DOCK3: variants seen among roughly 807,000 people sequenced by gnomAD.
DOCK3 encodes dedicator of cytokinesis protein 3.
Under a neutral mutation model 265.6 loss-of-function variants are expected in DOCK3, and 60 were observed. The observed-to-expected ratio is 0.23, with a 90% CI of 0.18 to 0.28. The LOEUF (loss-of-function observed/expected upper bound fraction) is 0.28. DOCK3 is among the 10% of genes least tolerant of loss of function. The pLI, the probability that DOCK3 is intolerant of heterozygous loss-of-function variation, is 1.00. For missense variants in DOCK3, 1,981 were observed against 2,594.3 expected (o/e 0.76, Z 5.14); for synonymous variants, 881 against 938.0 (o/e 0.94, Z 1.11).
chr3:50,773,039 T>C (rs978238951), intron 1 of DOCK3, among the ~76,000 whole-genome samples: 4 of 151,986 alleles, frequency 2.6e-5, no homozygotes, highest in African/African-American at 7.2e-5. Flanking sequence ...CTTCAAAATA[T>C]ACAATAAAGC....
rs377050608 is a variant in DOCK3 at position 51,108,598 on chromosome 3, G to A, written c.746+18214G>A. Among the ~76,000 whole-genome samples, 17 of 152,266 alleles carry A rather than the reference G, an allele frequency of 1.1e-4. No individual in the cohort carries two copies. In the East Asian group the frequency reaches 2.9e-3, roughly 26 times the overall value. On this transcript the variant is annotated intron_variant, in intron 9 of 52. Transcript: ENST00000266037. ...ATTAAAAGGCACAGAGTAACAAGGTGGATAAAGAAGCAAGACCCAGTGGTA... is the reference window on the plus strand; with the variant it reads ...ATTAAAAGGCACAGAGTAACAAGGTAGATAAAGAAGCAAGACCCAGTGGTA...
intron 6 of DOCK3, among the ~76,000 whole-genome samples, chr3:51,074,921 G>A (rs2082004061): frequency 6.6e-6 from 1 of 152,188 alleles, no homozygotes; most frequent in Non-Finnish European, 1.5e-5. Flanking sequence ...TAACTTTTAA[G>A]AGGTGAATTT....
chr3:51,315,142 C>G lies in DOCK3; in HGVS notation c.3402+14C>G. 1 of 1,593,452 alleles carries G rather than the reference C, an allele frequency of 6.3e-7. No homozygotes were observed. The highest frequency in any genetic ancestry group is 8.6e-7 in the Non-Finnish European group (1 of 1,167,066). ...AACTTCAAACAGGTAAGACACCTGG[C>G]AGTGTTCGGGGTATTCTCTGGAATG... On this transcript the variant is annotated intron_variant, in intron 32 of 52. Coordinates refer to ENST00000266037, the MANE Select transcript of DOCK3 (RefSeq NM_004947.5).
chr3:50,977,344 G>T (rs1268552665), intron 5 of DOCK3, among the ~76,000 whole-genome samples: 2 of 151,966 alleles, frequency 1.3e-5, no homozygotes, highest in Non-Finnish European at 2.9e-5. Flanking sequence ...GCCTGGTGGT[G>T]ACAAAATCTC....
intron 21 of DOCK3, among the ~76,000 whole-genome samples, chr3:51,241,688 A>G (rs1441358426): frequency 6.6e-6 from 1 of 152,130 alleles, no homozygotes; most frequent in African/African-American, 2.4e-5. Flanking sequence ...AAGCTCTGAG[A>G]TTCTTTCCCG....
chr3:50,949,227 A>ATC (rs1205938392), intron 5 of DOCK3, among the ~76,000 whole-genome samples: 1 of 152,206 alleles, frequency 6.6e-6, no homozygotes, highest in Non-Finnish European at 1.5e-5. Context: ...GTGGACACTA[A>ATC]TCCCAGAGTG....
At chr3:50,896,968 G>T (rs1002665267) in intron 4 of DOCK3, among the ~76,000 whole-genome samples, 9 of 152,224 alleles carry the variant, frequency 5.9e-5, no homozygotes, top group Non-Finnish European at 1.2e-4. Context: ...GGCTATACGG[G>T]CTCTTTTGTG....
intron 21 of DOCK3, among the ~76,000 whole-genome samples, chr3:51,244,446 A>G (rs1427580355): frequency 6.6e-6 from 1 of 152,128 alleles, no homozygotes; most frequent in Non-Finnish European, 1.5e-5. Flanking sequence ...TTTTGATGCT[A>G]TTGTAAATGG....
chr3:51,300,278 G>C (rs530319079), intron 27 of DOCK3, among the ~76,000 whole-genome samples: 171 of 152,286 alleles, frequency 1.1e-3, no homozygotes, highest in African/African-American at 4.0e-3. Context: ...TGCTGAAGTT[G>C]CTTATCAGCT....
intron 49 of DOCK3, among the ~76,000 whole-genome samples, chr3:51,371,061 C>G (rs1414337643): frequency 3.3e-5 from 5 of 152,188 alleles, no homozygotes; most frequent in Non-Finnish European, 5.9e-5. Flanking sequence ...TTTACCCAGC[C>G]TTGGATGTCC....
At chr3:50,824,807 A>G (rs1032850761) in intron 2 of DOCK3, among the ~76,000 whole-genome samples, 22 of 152,344 alleles carry the variant, frequency 1.4e-4, no homozygotes, top group African/African-American at 5.0e-4. Flanking sequence ...AGCTACGACT[A>G]GGAAGATCAT....
intron 14 of DOCK3, among the ~76,000 whole-genome samples, chr3:51,217,086 T>C (rs1057260985): frequency 1.3e-5 from 2 of 152,034 alleles, no homozygotes; most frequent in Non-Finnish European, 2.9e-5. Flanking sequence ...GAAGTATTCA[T>C]AAACTGTGAT....
intron 9 of DOCK3, among the ~76,000 whole-genome samples, chr3:51,099,271 A>G (rs73087240): frequency 0.011 from 1,728 of 152,344 alleles, 17 homozygotes; most frequent in Non-Finnish European, 0.018. Context: ...TACTTTAGAT[A>G]TATACTTTGG....
chr3:51,330,195 G>T lies in DOCK3; in HGVS notation c.3460G>T (p.Glu1154Ter). ...CATGGTGTCAGAAGGGAAAGGTGAC[G>T]AGAGCTACAGGGAGCTCTTCAGCCT... ...DSMVSEGKGD[E>*]SYRELFSLLT... The change falls in exon 33 of 53, where the codon GAG (glutamate) becomes TAG (stop). Residue 1154 changes from glutamate (E) to a stop codon, truncating the protein, a stop_gained. Transcript: ENST00000266037. LOFTEE classifies it high-confidence loss of function. 2 of 1,603,810 alleles carry T rather than the reference G, an allele frequency of 1.2e-6. No homozygotes were observed. Among genetic ancestry groups the T allele is most frequent in the Non-Finnish European group, 1.7e-6 (2 of 1,175,326 alleles).
intron 3 of DOCK3, among the ~76,000 whole-genome samples, chr3:50,889,679 T>C (rs1353648513): frequency 3.3e-5 from 5 of 152,082 alleles, no homozygotes; most frequent in African/African-American, 1.2e-4. Flanking sequence ...TAGATGATGA[T>C]ATTAGTTTTG....
chr3:51,230,893 AT>A (rs2090518237), intron 19 of DOCK3, among the ~76,000 whole-genome samples: 1 of 152,056 alleles, frequency 6.6e-6, no homozygotes, highest in South Asian at 2.1e-4. Flanking sequence ...ATTGTGAATA[AT>A]ACCGTGATGA....
chr3:50,999,097 A>G (rs1358326358), intron 5 of DOCK3, among the ~76,000 whole-genome samples: 1 of 152,258 alleles, frequency 6.6e-6, no homozygotes, highest in Non-Finnish European at 1.5e-5. Context: ...CTATCAGTGA[A>G]GCAAATATTT....
chr3:51,241,280 G>T (rs371335582), intron 21 of DOCK3, among the ~76,000 whole-genome samples: 38 of 152,164 alleles, frequency 2.5e-4, no homozygotes, highest in African/African-American at 8.9e-4. Context: ...TGTTTCTACT[G>T]AGAGATCCAC....
intron 2 of DOCK3, among the ~76,000 whole-genome samples, chr3:50,798,141 C>A (rs1027039206): frequency 3.9e-5 from 6 of 151,962 alleles, no homozygotes; most frequent in African/African-American, 1.5e-4. Flanking sequence ...CTGTTACATG[C>A]GAGGGGGGAA....
Sources: gnomAD v4.1 joint callset for allele counts (sites outside exome capture counted in the v4.1 genomes callset) on GRCh38, gnomAD v4.1.1 for gene constraint, MANE v1.5 for transcripts, NCBI Gene and HGNC (gene_info 2026-07-23, HGNC 2026-07-21) for gene names.